FBXL17: variants seen among roughly 807,000 people sequenced by gnomAD.
FBXL17 encodes F-box and leucine rich repeat protein 17.
FBXL17 carries 22 observed loss-of-function variants against 66.2 expected under a neutral mutation model. The ratio of observed to expected loss-of-function variants is 0.33; its 90% confidence interval spans 0.24 to 0.47. The LOEUF (loss-of-function observed/expected upper bound fraction) is 0.47. FBXL17 is among the 20% of genes least tolerant of loss of function. The pLI is 1.00. For missense variants in FBXL17, 878 were observed against 948.2 expected (o/e 0.93, Z 0.97); for synonymous variants, 474 against 400.5 (o/e 1.18, Z -2.19).
At chr5:108,371,336 G>A (rs1749026030) in intron 1 of FBXL17, among the ~76,000 whole-genome samples, 3 of 152,160 alleles carry the variant, frequency 2.0e-5, no homozygotes, top group Admixed American at 1.3e-4. Context: ...AGCAGCCCCA[G>A]TCATGCAAAA....
intron 5 of FBXL17, among the ~76,000 whole-genome samples, chr5:108,213,222 C>A (rs892280130): frequency 2.6e-5 from 4 of 152,140 alleles, no homozygotes; most frequent in Non-Finnish European, 5.9e-5. Context: ...TCTTAGTTTG[C>A]TGGGCTCCAT....
In FBXL17 at chr5:108,348,489, G is replaced by A; in HGVS notation, c.1416C>T (p.Gly472=). Residue 472 remains glycine (G), a synonymous_variant, in exon 4 of 9, where the codon GGC becomes GGT. Transcript: ENST00000542267. Reference sequence around the variant, plus strand: ...CTTCATCTGAGATCTTGTAACACTGGCCGAAATGAATATCTTTGAGTTCTC... The same window carrying A: ...CTTCATCTGAGATCTTGTAACACTGACCGAAATGAATATCTTTGAGTTCTC... ...KCRELKDIHF[G]QCYKISDEGM... The A allele has an allele frequency of 6.2e-7, 1 of 1,613,552 alleles. No individual in the cohort carries two copies. Among genetic ancestry groups the A allele is most frequent in the Non-Finnish European group, 8.5e-7 (1 of 1,179,674 alleles).
chr5:108,230,404 AT>A (rs1755277598), intron 4 of FBXL17, among the ~76,000 whole-genome samples: 1 of 152,210 alleles, frequency 6.6e-6, no homozygotes, highest in Non-Finnish European at 1.5e-5. Context: ...AAGGCAATGA[AT>A]TAATGGCATT....
intron 4 of FBXL17, among the ~76,000 whole-genome samples, chr5:108,294,222 ATG>A (rs1758248387): frequency 6.8e-6 from 1 of 147,342 alleles, no homozygotes; most frequent in African/African-American, 2.5e-5. Flanking sequence ...CACTATATAT[ATG>A]GTATATATAT....
intron 6 of FBXL17, among the ~76,000 whole-genome samples, chr5:108,160,428 AACC>A (rs1040074566): frequency 2.6e-5 from 4 of 152,240 alleles, no homozygotes; most frequent in Non-Finnish European, 5.9e-5. Context: ...TAATTAGACA[AACC>A]ACTACTTTCT....
At chr5:108,360,518 T>C (rs1279335703) in intron 3 of FBXL17, among the ~76,000 whole-genome samples, 1 of 152,136 alleles carries the variant, frequency 6.6e-6, no homozygotes, top group Non-Finnish European at 1.5e-5. Context: ...CTTTGAAGAT[T>C]CTGTCTTTGA....
intron 7 of FBXL17, among the ~76,000 whole-genome samples, chr5:108,012,808 G>C (rs1754227107): frequency 6.6e-6 from 1 of 152,096 alleles, no homozygotes; most frequent in Admixed American, 6.5e-5. Context: ...CTGATGTTGA[G>C]AGTTCAAGAC....
At chr5:108,019,498 A>T (rs927862630) in intron 7 of FBXL17, among the ~76,000 whole-genome samples, 1 of 152,104 alleles carries the variant, frequency 6.6e-6, no homozygotes, top group African/African-American at 2.4e-5. Context: ...ACTCCTGGCT[A>T]TTAGCTACCT....
At chr5:108,316,651 T>C (rs1250472990) in intron 4 of FBXL17, among the ~76,000 whole-genome samples, 2 of 151,442 alleles carry the variant, frequency 1.3e-5, no homozygotes, top group East Asian at 3.9e-4. Flanking sequence ...ATTATTATAC[T>C]AACTAGATTC....
chr5:108,247,242 T>C (rs1447201659), intron 4 of FBXL17, among the ~76,000 whole-genome samples: 4 of 152,046 alleles, frequency 2.6e-5, no homozygotes, highest in Non-Finnish European at 5.9e-5. Flanking sequence ...CATTTGGTTC[T>C]ACATAAAACG....
chr5:107,960,731 A>G (rs1751868581), intron 7 of FBXL17, among the ~76,000 whole-genome samples: 1 of 152,212 alleles, frequency 6.6e-6, no homozygotes, highest in Non-Finnish European at 1.5e-5. Context: ...TCTTGGGTCT[A>G]ACTACAACTA....
intron 7 of FBXL17, among the ~76,000 whole-genome samples, chr5:107,926,234 T>C (rs1189521967): frequency 2.0e-5 from 3 of 152,180 alleles, no homozygotes; most frequent in Non-Finnish European, 2.9e-5. Context: ...AACTTGCTGA[T>C]GGTTCTGCAG....
At chr5:108,190,562 T>A (rs1753430723) in intron 5 of FBXL17, among the ~76,000 whole-genome samples, 1 of 152,200 alleles carries the variant, frequency 6.6e-6, no homozygotes, top group African/African-American at 2.4e-5. Context: ...TGCTTCCATA[T>A]ATATCTTAAC....
Position 107,994,162 on chromosome 5 carries a change from C to T in FBXL17, c.1822+26763G>A, listed in dbSNP as rs538175640. 9.2e-5 allele frequency among the ~76,000 whole-genome samples: 14 copies of T among 152,200 alleles called. No homozygotes were observed. The East Asian group carries it at 2.3e-3, about 25-fold the overall frequency. Reference sequence around the variant, plus strand: ...TCATAAAGCCAGATTATTTCCTCTACCATTCTAGGAAGTTTCTAATTTATT... The same window carrying T: ...TCATAAAGCCAGATTATTTCCTCTATCATTCTAGGAAGTTTCTAATTTATT... On this transcript the variant is annotated intron_variant, in intron 7 of 8. Coordinates refer to ENST00000542267, the MANE Select transcript of FBXL17 (RefSeq NM_001163315.3).
chr5:108,079,094 C>T (rs1748662394), intron 6 of FBXL17, among the ~76,000 whole-genome samples: 1 of 151,936 alleles, frequency 6.6e-6, no homozygotes, highest in African/African-American at 2.4e-5. Context: ...AGTGATCCTC[C>T]TGCCTCAGCC....
chr5:108,072,664 C>T (rs751819409), intron 6 of FBXL17, among the ~76,000 whole-genome samples: 3 of 152,040 alleles, frequency 2.0e-5, no homozygotes, highest in African/African-American at 4.8e-5. Context: ...GCCGAGATTG[C>T]GCCACTGCAC....
In FBXL17 at chr5:108,260,592, C is replaced by G. The variant is rs148371360; in HGVS notation, c.1507-36364G>C. Among the ~76,000 whole-genome samples, 523 of 152,172 alleles carry G rather than the reference C, an allele frequency of 3.4e-3. 2 individuals are homozygous for G. The highest frequency in any genetic ancestry group is 6.8e-3 in the Middle Eastern group (2 of 294). On this transcript the variant is annotated intron_variant, in intron 4 of 8. Coordinates refer to ENST00000542267, the MANE Select transcript of FBXL17 (RefSeq NM_001163315.3). ...GAAGAAGAGAACGGGTTCCTATACC[C>G]CTACATTTCTCCCAGACCGATCATT...
intron 4 of FBXL17, among the ~76,000 whole-genome samples, chr5:108,276,522 G>T (rs1045712029): frequency 1.3e-5 from 2 of 152,070 alleles, no homozygotes; most frequent in Admixed American, 6.5e-5. Flanking sequence ...ATGCTGCTCA[G>T]TATAAAACAC....
intron 5 of FBXL17, among the ~76,000 whole-genome samples, chr5:108,191,202 G>A (rs974055403): frequency 4.0e-4 from 61 of 152,164 alleles, no homozygotes; most frequent in African/African-American, 1.3e-3. Flanking sequence ...AGGAAGATTC[G>A]AAGTCACAAA....
Sources: gnomAD v4.1 joint callset for allele counts (sites outside exome capture counted in the v4.1 genomes callset) on GRCh38, gnomAD v4.1.1 for gene constraint, MANE v1.5 for transcripts, NCBI Gene and HGNC (gene_info 2026-07-23, HGNC 2026-07-21) for gene names.